The following KCNIP1 variants were observed in gnomAD, a reference collection of about 807,000 sequenced individuals.
KCNIP1 encodes the protein A-type potassium channel modulatory protein KCNIP1.
A neutral mutation model predicts 33.0 loss-of-function variants in KCNIP1; 18 were observed. That is an observed-to-expected ratio of 0.55 (90% CI 0.38 to 0.81). KCNIP1 has a LOEUF of 0.81. Ranked by LOEUF, KCNIP1 falls within the 30% of genes least tolerant of loss-of-function variation. KCNIP1 has a pLI of 0.00. For synonymous variants in KCNIP1, 93 were observed against 98.3 expected (o/e 0.95, Z 0.32); for missense variants, 238 against 271.6 (o/e 0.88, Z 0.87).
At chr5:170,726,528 A>G (rs571680130) in intron 5 of KCNIP1, among the ~76,000 whole-genome samples, 1 of 152,168 alleles carries the variant, frequency 6.6e-6, no homozygotes, top group African/African-American at 2.4e-5. Context: ...GCTGGCAGAA[A>G]TGTAAATGGT....
At chr5:170,719,918 C>T (rs1581542031) in intron 2 of KCNIP1, among the ~76,000 whole-genome samples, 1 of 152,206 alleles carries the variant, frequency 6.6e-6, no homozygotes, top group African/African-American at 2.4e-5. Context: ...GAAATCTACA[C>T]TGCTTGGCAT....
At chr5:170,480,401 G>T (rs1021001788) in intron 1 of KCNIP1, among the ~76,000 whole-genome samples, 2 of 151,906 alleles carry the variant, frequency 1.3e-5, no homozygotes, top group African/African-American at 4.8e-5. Flanking sequence ...ATAAAAGTCC[G>T]TGCCTTCACA....
Position 170,504,552 on chromosome 5 carries a change from C to T in KCNIP1, c.-21C>T, listed in dbSNP as rs1203360146. The T allele has an allele frequency of 6.2e-7, 1 of 1,612,654 alleles. No homozygotes were observed. Among genetic ancestry groups the T allele is most frequent in the Non-Finnish European group, 8.5e-7 (1 of 1,179,976 alleles). On this transcript the variant is annotated 5_prime_UTR_variant, in exon 1 of 8. Coordinates refer to ENST00000328939, the MANE Select transcript of KCNIP1 (RefSeq NM_014592.4). The surrounding 1 kb of genome is among the most constrained non-coding windows in gnomAD (Gnocchi z 6.0). The stretch of plus-strand genomic sequence containing the variant: ...AGGGGCCGGGCCCGGGGTCCCAACT[C>T]GCACTCAAGTCTTCGCTGCCATGGG...
chr5:170,434,837 C>T (rs1203471110), intron 1 of KCNIP1, among the ~76,000 whole-genome samples: 2 of 152,214 alleles, frequency 1.3e-5, no homozygotes, highest in Non-Finnish European at 2.9e-5. Context: ...AGCCTGTAAT[C>T]CCAGCTACTC....
At chr5:170,598,382 C>T (rs1055438054) in intron 1 of KCNIP1, among the ~76,000 whole-genome samples, 12 of 152,122 alleles carry the variant, frequency 7.9e-5, no homozygotes, top group African/African-American at 2.7e-4. Context: ...CATCTGAGTC[C>T]ATGTTTGGTG....
intron 1 of KCNIP1, among the ~76,000 whole-genome samples, chr5:170,431,126 T>G (rs1351136464): frequency 2.6e-5 from 4 of 152,212 alleles, no homozygotes. Context: ...TTAAGGGACT[T>G]GCGGAAAGTG....
chr5:170,729,050 T>C (rs1219416984), intron 5 of KCNIP1, among the ~76,000 whole-genome samples: 2 of 152,044 alleles, frequency 1.3e-5, no homozygotes, highest in African/African-American at 4.8e-5. Context: ...CATTAAATGA[T>C]TCTTGGAAAA....
chr5:170,580,006 A>C (rs574309029), intron 1 of KCNIP1, among the ~76,000 whole-genome samples: 1 of 151,920 alleles, frequency 6.6e-6, no homozygotes, highest in South Asian at 2.1e-4. Context: ...GCAAGTTCAC[A>C]GATATGCTTG....
chr5:170,364,400 C>T (rs926327912), intron 1 of KCNIP1, among the ~76,000 whole-genome samples: 1 of 152,190 alleles, frequency 6.6e-6, no homozygotes, highest in African/African-American at 2.4e-5. Flanking sequence ...CTGGATACTA[C>T]ATTTTGCTTT....
At chr5:170,522,550 G>A (rs1406630957) in intron 1 of KCNIP1, among the ~76,000 whole-genome samples, 1 of 152,254 alleles carries the variant, frequency 6.6e-6, no homozygotes, top group Non-Finnish European at 1.5e-5. Context: ...TTTGCTGGGT[G>A]TGCCAGCAAA....
chr5:170,731,554 G>C, intron 5 of KCNIP1, among the ~76,000 whole-genome samples: 1 of 152,048 alleles, frequency 6.6e-6, no homozygotes. Context: ...AATTAGCCAG[G>C]TGTGGTGGCA....
intron 1 of KCNIP1, among the ~76,000 whole-genome samples, chr5:170,664,028 A>G (rs770961331): frequency 6.6e-6 from 1 of 151,956 alleles, no homozygotes; most frequent in Non-Finnish European, 1.5e-5. Flanking sequence ...TGACCATGCC[A>G]CTTTCTCCCA....
chr5:170,421,724 TTTGGGAGAGGATAGAAACA>T (rs1755499025), intron 1 of KCNIP1, among the ~76,000 whole-genome samples: 2 of 152,190 alleles, frequency 1.3e-5, no homozygotes, highest in African/African-American at 4.8e-5. Flanking sequence ...AATATATGAA[TTTGGGAGAGGATAGAAACA>T]TTGAGACCAT....
At chr5:170,726,970 A>G (rs147170732) in intron 5 of KCNIP1, among the ~76,000 whole-genome samples, 99 of 152,110 alleles carry the variant, frequency 6.5e-4, no homozygotes, top group African/African-American at 1.6e-3. Context: ...CCCCCAAAAG[A>G]AAAATATGTA....
chr5:170,684,840 C>T (rs1367405544), intron 1 of KCNIP1, among the ~76,000 whole-genome samples: 1 of 152,160 alleles, frequency 6.6e-6, no homozygotes, highest in Admixed American at 6.6e-5. Flanking sequence ...AGTTCTTCTG[C>T]AGATATAGTT....
chr5:170,383,027 GA>G (rs1292739593), intron 1 of KCNIP1: 2 of 151,502 alleles, frequency 1.3e-5, no homozygotes, highest in African/African-American at 4.9e-5. Context: ...AAGGAGGGAA[GA>G]AAGGGAAAAA....
chr5:170,521,663 A>G (rs1478952801), intron 1 of KCNIP1, among the ~76,000 whole-genome samples: 1 of 152,212 alleles, frequency 6.6e-6, no homozygotes, highest in East Asian at 1.9e-4. Flanking sequence ...CACCTTTAGG[A>G]GTGACACAAG....
At chr5:170,656,688 T>C (rs1013157295) in intron 1 of KCNIP1, among the ~76,000 whole-genome samples, 1 of 152,156 alleles carries the variant, frequency 6.6e-6, no homozygotes, top group Non-Finnish European at 1.5e-5. Flanking sequence ...GAGGGGCAAA[T>C]GGGGACCGTC....
At chr5:170,551,937 AGT>A (rs1216105017) in intron 1 of KCNIP1, among the ~76,000 whole-genome samples, 2 of 148,840 alleles carry the variant, frequency 1.3e-5, no homozygotes, top group Non-Finnish European at 3.0e-5. Context: ...TATGAATGTG[AGT>A]GTGCATGTGT....
Sources: gnomAD v4.1 joint callset for allele counts (sites outside exome capture counted in the v4.1 genomes callset) on GRCh38, gnomAD v4.1.1 for gene constraint, Gnocchi (gnomAD v3.1) non-coding constraint, MANE v1.5 for transcripts, NCBI Gene and HGNC (gene_info 2026-07-23, HGNC 2026-07-21) for gene names.